Variants in MYH10 observed in about 807,000 individuals in gnomAD.
MYH10 encodes myosin-10.
MYH10 carries 55 observed loss-of-function variants against 257.8 expected under a neutral mutation model. The ratio of observed to expected loss-of-function variants is 0.21; its 90% CI spans 0.17 to 0.27. The LOEUF is 0.27. Among genes scored for constraint, MYH10 ranks in the 10% least tolerant of loss-of-function variants. The pLI, the probability that MYH10 is intolerant of heterozygous loss-of-function variation, is 1.00. For missense variants in MYH10, 1,631 were observed against 2,500.6 expected, an observed-to-expected ratio of 0.65 and a Z score of 7.42; for synonymous variants, 854 against 921.7, an observed-to-expected ratio of 0.93 and a Z score of 1.33.
chr17:8,520,031 A>G (rs2081601062), intron 19 of MYH10, among the ~76,000 whole-genome samples: 1 of 152,180 alleles, frequency 6.6e-6, no homozygotes, highest in Non-Finnish European at 1.5e-5. Flanking sequence ...ATACACATAC[A>G]TTGGAAAAAA....
At chr17:8,577,211 A>T (rs1370188194) in intron 5 of MYH10, 25 bp downstream of exon 5, 1 of 1,544,284 alleles carries the variant, frequency 6.5e-7, no homozygotes, top group South Asian at 1.2e-5. Flanking sequence ...AAGAAGATTT[A>T]AAAAACAACA....
chr17:8,492,598 T>G, intron 33 of MYH10, 89 bp from the exon 34 acceptor site: 5 of 1,365,792 alleles, frequency 3.7e-6, no homozygotes, highest in Non-Finnish European at 4.9e-6. Context: ...ATCGCTAGAG[T>G]GCTGCCACTA....
chr17:8,544,676 G>A (rs1181542347), intron 13 of MYH10, among the ~76,000 whole-genome samples: 4 of 151,960 alleles, frequency 2.6e-5, no homozygotes, highest in East Asian at 1.9e-4. Flanking sequence ...TATTTGTGCC[G>A]TACTATATTT....
rs753039511 is a variant in MYH10 at position 8,512,437 on chromosome 17, A to G, written c.2952+14T>C. On this transcript the variant is annotated intron_variant, in intron 24 of 42. Transcript: ENST00000360416. The stretch of plus-strand genomic sequence containing the variant: ...ATCCAAAATATGCTTCTAAGTAAAA[A>G]TTATTATACATACCTGAATATGTGC... The G allele has an allele frequency of 9.4e-6, 15 of 1,587,546 alleles. No homozygotes were observed. In the South Asian group the frequency reaches 1.0e-4, roughly 11 times the overall value.
chr17:8,487,401 C>T, intron 36 of MYH10, 32 bp downstream of exon 36: 4 of 1,612,802 alleles, frequency 2.5e-6, no homozygotes, highest in Non-Finnish European at 2.5e-6. Context: ...CACGTGGTGC[C>T]ATCCAGAGAC....
chr17:8,475,603 T>C lies in MYH10; in HGVS notation c.*201A>G, dbSNP rs1912421656. 1 of 580,018 alleles carries C rather than the reference T, an allele frequency of 1.7e-6. No individual in the cohort carries two copies. The highest frequency in any genetic ancestry group is 3.0e-6 in the Non-Finnish European group (1 of 329,812). 35.9% of individuals were successfully genotyped at this position (580,018 alleles called of 1,614,324 possible). A position where few individuals can be genotyped will look rare whatever the true frequency, so the allele number is the denominator to read the frequency against. ...AACAATCTGTTTAATATATGTGTCC[T>C]GTGTGTGTCTATATATAAAAAGGGG... On this transcript the variant is annotated 3_prime_UTR_variant, in exon 43 of 43. Transcript: ENST00000360416.
In MYH10 at chr17:8,579,294, T is replaced by C. The variant is rs986583017; in HGVS notation, c.531-1956A>G. Among the ~76,000 whole-genome samples the C allele has an allele frequency of 5.2e-4, 79 of 150,900 alleles. 1 individual carries two copies. The highest frequency in any genetic ancestry group is 1.8e-3 in the African/African-American group (72 of 41,060). ...ACCCTGTCTAAAAAAAAAAAAAAAA[T>C]TGTACTATTTGAAGTGTCCAAAACT... On this transcript the variant is annotated intron_variant, in intron 4 of 42. Coordinates refer to ENST00000360416, the MANE Select transcript of MYH10 (RefSeq NM_001256012.3).
intron 30 of MYH10, among the ~76,000 whole-genome samples, chr17:8,496,285 C>G (rs912335067): frequency 2.0e-5 from 3 of 152,252 alleles, no homozygotes; most frequent in African/African-American, 7.2e-5. Flanking sequence ...GACGGTGGCA[C>G]AGCCACAGCA....
chr17:8,551,988 A>G, intron 9 of MYH10, 58 bp downstream of exon 9: 1 of 1,035,688 alleles, frequency 9.7e-7, no homozygotes, highest in Non-Finnish European at 1.3e-6. Flanking sequence ...TTTTCTCAAA[A>G]AAAAATTAAA....
chr17:8,538,699 T>C (rs560306190), intron 14 of MYH10, among the ~76,000 whole-genome samples: 2 of 152,242 alleles, frequency 1.3e-5, no homozygotes, highest in African/African-American at 4.8e-5. Flanking sequence ...AGCCTAGAAG[T>C]GCCAGTACAA....
intron 1 of MYH10, among the ~76,000 whole-genome samples, chr17:8,627,097 C>T (rs1247418829): frequency 6.6e-6 from 1 of 152,022 alleles, no homozygotes; most frequent in East Asian, 1.9e-4. Context: ...AATTACACAG[C>T]ATGTTCCCAA....
At chr17:8,531,759 A>G (rs1052452811) in intron 16 of MYH10, among the ~76,000 whole-genome samples, 1 of 152,044 alleles carries the variant, frequency 6.6e-6, no homozygotes, top group Non-Finnish European at 1.5e-5. Context: ...AACTATATTC[A>G]TATATCATAT....
At chr17:8,511,054 A>ATG (rs2081269738) in intron 24 of MYH10, 4 of 114,514 alleles carry the variant, frequency 3.5e-5, no homozygotes, top group Admixed American at 1.7e-4. Flanking sequence ...ATATATATAT[A>ATG]TATATACACA....
intron 21 of MYH10, among the ~76,000 whole-genome samples, chr17:8,517,105 C>T (rs1388879535): frequency 6.6e-6 from 1 of 152,162 alleles, no homozygotes; most frequent in Non-Finnish European, 1.5e-5. Context: ...CGCGCCACTG[C>T]ACTCCAGCCT....
intron 1 of MYH10, among the ~76,000 whole-genome samples, chr17:8,630,202 C>T (rs1477214273): frequency 6.6e-6 from 1 of 151,330 alleles, no homozygotes; most frequent in Non-Finnish European, 1.5e-5. Context: ...CAGACACTGG[C>T]TCGCGGGGCA....
chr17:8,592,803 G>T (rs1597917179), intron 3 of MYH10, among the ~76,000 whole-genome samples: 1 of 31,416 alleles, frequency 3.2e-5, no homozygotes, highest in Non-Finnish European at 5.9e-5. Context: ...ACCTTACCCT[G>T]ATAATGAAAT....
intron 17 of MYH10, among the ~76,000 whole-genome samples, chr17:8,522,115 A>C (rs2081674397): frequency 6.6e-6 from 1 of 152,240 alleles, no homozygotes; most frequent in African/African-American, 2.4e-5. Flanking sequence ...CTTATTGAAA[A>C]GAAGTTAAAT....
At chr17:8,484,374 C>CTTGA (rs1914401930) in intron 36 of MYH10, 108 bp from the exon 37 acceptor site, 2 of 1,013,840 alleles carry the variant, frequency 2.0e-6, no homozygotes, top group African/African-American at 3.3e-5. Flanking sequence ...TGATCTCAAA[C>CTTGA]TCAAGGCCTC....
intron 2 of MYH10, among the ~76,000 whole-genome samples, chr17:8,619,880 G>A (rs1227440395): frequency 1.3e-5 from 2 of 151,890 alleles, no homozygotes; most frequent in Admixed American, 6.6e-5. Flanking sequence ...AGCCGAGATC[G>A]CACCACTACA....
Sources: gnomAD v4.1 joint callset for allele counts (sites outside exome capture counted in the v4.1 genomes callset) on GRCh38, gnomAD v4.1.1 for gene constraint, MANE v1.5 for transcripts, NCBI Gene and HGNC (gene_info 2026-07-23, HGNC 2026-07-21) for gene names.